Variants in MYO9A observed in about 807,000 individuals in gnomAD.
The protein encoded by MYO9A is unconventional myosin-IXa.
MYO9A carries 103 observed loss-of-function variants against 293.3 expected under a neutral mutation model. The observed-to-expected ratio is 0.35, with a 90% CI of 0.30 to 0.41. MYO9A has a LOEUF of 0.41. Ranked by LOEUF, MYO9A falls within the 10% of genes least tolerant of loss-of-function variation. The probability of loss-of-function intolerance (pLI) is 1.00; values close to 1 mark genes in which losing one functional copy is unlikely to be tolerated. For missense variants in MYO9A, 2,685 were observed against 3,033.0 expected (o/e 0.89, Z 2.69); for synonymous variants, 1,001 against 1,035.7 (o/e 0.97, Z 0.64).
chr15:72,001,553 C>CA (rs199812533), intron 8 of MYO9A, among the ~76,000 whole-genome samples: 64,295 of 102,508 alleles, frequency 0.63, 20,792 homozygotes, highest in Non-Finnish European at 0.69. Flanking sequence ...GACTCCATCT[C>CA]AAAAAAAAAA....
intron 30 of MYO9A, 45 bp downstream of exon 30, chr15:71,879,676 T>C (rs748079401): frequency 7.1e-7 from 1 of 1,399,578 alleles, no homozygotes; most frequent in Non-Finnish European, 1.0e-6. Flanking sequence ...ATCAAATTTT[T>C]CATATGTTGA....
At chr15:71,850,188 A>G in intron 37 of MYO9A, 21 bp from the exon 38 acceptor site, 3 of 1,613,338 alleles carry the variant, frequency 1.9e-6, no homozygotes, top group Non-Finnish European at 2.5e-6. Flanking sequence ...AAACAAAACA[A>G]AAAACAAATG....
At chr15:72,078,599 A>T (rs912051949) in intron 1 of MYO9A, among the ~76,000 whole-genome samples, 1 of 152,134 alleles carries the variant, frequency 6.6e-6, no homozygotes, top group Non-Finnish European at 1.5e-5. Context: ...GAATTGCTTG[A>T]GCCCAGGAGT....
At position 71,883,731 on chromosome 15, in the gene MYO9A, T is replaced by G; in HGVS notation, c.5261A>C (p.Gln1754Pro). 6.2e-7 allele frequency: 1 copy of G among 1,609,390 alleles called. No homozygotes were observed. The highest frequency in any genetic ancestry group is 1.1e-5 in the South Asian group (1 of 90,124). ...QKASDSDIRPQRAKMRFWAKG... is the reference protein window; with the variant it reads ...QKASDSDIRPPRAKMRFWAKG... ...GGCCCAGAATCTCATCTTAGCTCTC[T>G]GAGGTCTGTTTAAAGAAATAAAGGT... The change falls in exon 28 of 42, where the codon CAG becomes CCG. Residue 1754 changes from glutamine to proline, a missense_variant. By Grantham distance (76) the Gln-to-Pro change is moderately conservative (BLOSUM62 -1). This residue lies in a region of MYO9A where 1,434 missense variants were observed against 1,497.7 expected (regional missense o/e 0.96). Transcript: ENST00000356056.
chr15:71,850,491 C>A (rs1159711332), intron 37 of MYO9A, among the ~76,000 whole-genome samples: 4 of 152,090 alleles, frequency 2.6e-5, no homozygotes, highest in Non-Finnish European at 5.9e-5. Flanking sequence ...ATCGGCCAGG[C>A]ACGGTGGCCC....
At chr15:72,049,781 G>A (rs1304576637) in intron 1 of MYO9A, among the ~76,000 whole-genome samples, 3 of 152,154 alleles carry the variant, frequency 2.0e-5, no homozygotes, top group Non-Finnish European at 4.4e-5. Context: ...GATGATCTGA[G>A]GCAGAATAGT....
chr15:72,087,164 C>T lies in MYO9A; in HGVS notation c.-72+30516G>A, dbSNP rs1390593160. Among the ~76,000 whole-genome samples, 4 of 152,212 alleles carry T rather than the reference C, an allele frequency of 2.6e-5. 1 individual carries two copies. Among genetic ancestry groups the T allele is most frequent in the Admixed American group, 1.3e-4 (2 of 15,276 alleles). On this transcript the variant is annotated intron_variant, in intron 1 of 41. Transcript: ENST00000356056. Reference sequence around the variant, plus strand: ...GGTCCCCAGGGTACCCAAGGCTTCACTGCAAGCAGGCGCAACCAGGCTGGG... The same window carrying T: ...GGTCCCCAGGGTACCCAAGGCTTCATTGCAAGCAGGCGCAACCAGGCTGGG...
chr15:72,098,843 G>T (rs541151887), intron 1 of MYO9A, among the ~76,000 whole-genome samples: 3 of 151,772 alleles, frequency 2.0e-5, no homozygotes, highest in South Asian at 4.2e-4. Context: ...AAAACAAACT[G>T]CTGTGATCAT....
intron 1 of MYO9A, among the ~76,000 whole-genome samples, chr15:72,075,107 G>C (rs886206213): frequency 3.3e-5 from 5 of 151,872 alleles, no homozygotes; most frequent in Admixed American, 3.3e-4. Flanking sequence ...TGGGATTATA[G>C]GTATGCGCCA....
chr15:71,984,696 T>C (rs1198727276), intron 11 of MYO9A, among the ~76,000 whole-genome samples: 1 of 152,242 alleles, frequency 6.6e-6, no homozygotes, highest in Non-Finnish European at 1.5e-5. Flanking sequence ...CTAACCTGTA[T>C]CTTACTATTA....
intron 8 of MYO9A, among the ~76,000 whole-genome samples, chr15:72,006,804 G>C (rs937573813): frequency 2.0e-5 from 3 of 152,338 alleles, no homozygotes; most frequent in African/African-American, 7.2e-5. Context: ...GCTGTTCTAA[G>C]TAATTTTGGA....
At chr15:71,930,586 C>A (rs899551303) in intron 18 of MYO9A, among the ~76,000 whole-genome samples, 2 of 151,974 alleles carry the variant, frequency 1.3e-5, no homozygotes, top group Non-Finnish European at 2.9e-5. Context: ...CTCTGTACAT[C>A]GTTAAAGCTA....
intron 11 of MYO9A, among the ~76,000 whole-genome samples, chr15:71,979,534 C>T (rs928506137): frequency 2.6e-5 from 4 of 152,174 alleles, no homozygotes; most frequent in African/African-American, 7.2e-5. Context: ...ATAACACATA[C>T]TCATTTTGTC....
chr15:72,021,144 G>C (rs779675566), intron 4 of MYO9A, 127 bp from the exon 5 acceptor site: 30 of 590,946 alleles, frequency 5.1e-5, no homozygotes, highest in Non-Finnish European at 7.5e-5. Context: ...TAATATAAAT[G>C]TGATAAATTC....
chr15:72,009,193 G>T (rs1201654724), intron 7 of MYO9A, among the ~76,000 whole-genome samples: 1 of 152,122 alleles, frequency 6.6e-6, no homozygotes. Flanking sequence ...TTTTAAAAAT[G>T]ATTTTTAATA....
At chr15:72,088,017 T>C (rs2079796095) in intron 1 of MYO9A, among the ~76,000 whole-genome samples, 1 of 152,074 alleles carries the variant, frequency 6.6e-6, no homozygotes, top group African/African-American at 2.4e-5. Context: ...AGAAGAGATG[T>C]CAGGGATGTG....
At chr15:71,971,752 G>A (rs947007722) in intron 12 of MYO9A, among the ~76,000 whole-genome samples, 3 of 151,174 alleles carry the variant, frequency 2.0e-5, no homozygotes, top group African/African-American at 7.3e-5. Flanking sequence ...GATCTGCCAA[G>A]GGTAGTTTTG....
intron 15 of MYO9A, among the ~76,000 whole-genome samples, chr15:71,943,286 T>C (rs2058824973): frequency 6.6e-6 from 1 of 152,042 alleles, no homozygotes; most frequent in Non-Finnish European, 1.5e-5. Context: ...TATTTAATTA[T>C]ACTGATTTCC....
intron 40 of MYO9A, 96 bp from the exon 41 acceptor site, chr15:71,828,122 A>C: frequency 7.2e-7 from 1 of 1,385,046 alleles, no homozygotes; most frequent in Non-Finnish European, 9.8e-7. Flanking sequence ...GAATCTAAGA[A>C]GCAAAGAGAG....
Sources: allele counts gnomAD v4.1 joint callset (sites outside exome capture counted in the v4.1 genomes callset), GRCh38; gene constraint gnomAD v4.1.1; regional missense constraint gnomAD v4.1.1; transcripts MANE v1.5; gene names NCBI Gene and HGNC (gene_info 2026-07-23, HGNC 2026-07-21).